The following MFAP3L variants were observed in gnomAD, a reference collection of about 807,000 sequenced individuals.
MFAP3L encodes the protein microfibrillar-associated protein 3-like.
A neutral mutation model predicts 20.0 loss-of-function variants in MFAP3L; 5 were observed. The observed-to-expected ratio is 0.25, with a 90% CI of 0.13 to 0.53. The LOEUF (loss-of-function observed/expected upper bound fraction) is 0.53, where lower values mean the gene tolerates loss of function less well. MFAP3L is among the 20% of genes least tolerant of loss of function. The pLI, the probability that MFAP3L is intolerant of heterozygous loss-of-function variation, is 0.96. For synonymous variants in MFAP3L, 219 were observed against 213.0 expected (o/e 1.03, Z -0.25); for missense variants, 409 against 527.5 (o/e 0.78, Z 2.20).
At chr4:170,022,009 T>C (rs1021234340) in intron 1 of MFAP3L, among the ~76,000 whole-genome samples, 2 of 152,312 alleles carry the variant, frequency 1.3e-5, no homozygotes, top group African/African-American at 2.4e-5. Flanking sequence ...CTCAAGTTAA[T>C]TATGTTAAAT....
At position 169,998,174 on chromosome 4, in the gene MFAP3L, T is replaced by C. The variant is rs181743317; in HGVS notation, c.299-5865A>G. On this transcript the variant is annotated intron_variant, in intron 2 of 2. Transcript: ENST00000361618. ...TGACCTGGGACCACGGTGCTCGCCA[T>C]GGTGGCATGCCCACGTGGTATGGCC... Among the ~76,000 whole-genome samples the C allele has an allele frequency of 5.9e-5, 9 of 152,364 alleles. No individual in the cohort carries two copies. The East Asian group carries it at 1.3e-3, about 23-fold the overall frequency.
chr4:170,002,824 T>C (rs985679244), intron 2 of MFAP3L, among the ~76,000 whole-genome samples: 2 of 150,804 alleles, frequency 1.3e-5, no homozygotes, highest in South Asian at 4.2e-4. Context: ...TTTCATACTA[T>C]ATTCAATCAC....
intron 1 of MFAP3L, among the ~76,000 whole-genome samples, chr4:170,023,010 T>TG (rs1489274387): frequency 1.3e-5 from 2 of 152,194 alleles, no homozygotes; most frequent in African/African-American, 2.4e-5. Flanking sequence ...ACACCTTTGG[T>TG]GGGGGGCATT....
At chr4:169,996,879 C>T (rs907326561) in intron 2 of MFAP3L, among the ~76,000 whole-genome samples, 6 of 152,168 alleles carry the variant, frequency 3.9e-5, no homozygotes, top group Non-Finnish European at 5.9e-5. Context: ...TGCTCCCTCT[C>T]TGCCTGCAAG....
chr4:170,019,536 C>T (rs774080044), intron 1 of MFAP3L, among the ~76,000 whole-genome samples: 1 of 152,106 alleles, frequency 6.6e-6, no homozygotes, highest in Non-Finnish European at 1.5e-5. Flanking sequence ...AGAGCGAGAC[C>T]TCATCTATAT....
intron 2 of MFAP3L, among the ~76,000 whole-genome samples, chr4:169,993,076 G>T (rs62347051): frequency 0.092 from 14,064 of 152,200 alleles, 696 homozygotes; most frequent in African/African-American, 0.12. Context: ...TAATAAATGC[G>T]AGTTTTCTTA....
rs150939401 is a variant in MFAP3L at position 170,018,184 on chromosome 4, G to A, written c.-134+8050C>T. ...GGTAACAGAATGTTCCCTGGGGTTG[G>A]CCAAGACCTGAAGGATGAATAAAAG... On this transcript the variant is annotated intron_variant, in intron 1 of 2. Coordinates refer to ENST00000361618, the MANE Select transcript of MFAP3L (RefSeq NM_021647.8). 7.9e-5 allele frequency among the ~76,000 whole-genome samples: 12 copies of A among 152,300 alleles called. No individual in the cohort carries two copies. The East Asian group carries it at 2.3e-3, about 29-fold the overall frequency.
chr4:170,027,220 C>CTTTTTTTTTTTTT (rs746561915), upstream of MFAP3L: 2 of 133,046 alleles, frequency 1.5e-5, no homozygotes, highest in Admixed American at 7.6e-5. Flanking sequence ...CCTTATCTCC[C>CTTTTTTTTTTTTT]TTTTTTTTTT....
At chr4:170,026,188 C>T in intron 1 of MFAP3L, 46 bp downstream of exon 1, 1 of 973,498 alleles carries the variant, frequency 1.0e-6, no homozygotes, top group Non-Finnish European at 1.2e-6. Context: ...GGGGCTGGCT[C>T]CCACCCGTGC....
intron 1 of MFAP3L, among the ~76,000 whole-genome samples, chr4:170,008,153 G>C (rs1018591591): frequency 6.6e-6 from 1 of 152,068 alleles, no homozygotes; most frequent in African/African-American, 2.4e-5. Flanking sequence ...AGTTCCGTTA[G>C]AGACCTTACG....
At chr4:169,993,046 C>T (rs570433128) in intron 2 of MFAP3L, among the ~76,000 whole-genome samples, 4 of 152,296 alleles carry the variant, frequency 2.6e-5, no homozygotes, top group East Asian at 3.9e-4. Flanking sequence ...AAGCTTGACA[C>T]GAAGGAGAAC....
chr4:169,999,445 G>T (rs1265430619), intron 2 of MFAP3L, among the ~76,000 whole-genome samples: 2 of 152,110 alleles, frequency 1.3e-5, no homozygotes, highest in African/African-American at 4.8e-5. Flanking sequence ...AATTTGGTCT[G>T]GTAATCTTAA....
At chr4:170,012,054 C>T (rs1164107890) in intron 1 of MFAP3L, among the ~76,000 whole-genome samples, 1 of 152,082 alleles carries the variant, frequency 6.6e-6, no homozygotes, top group Non-Finnish European at 1.5e-5. Context: ...GTATGCAACG[C>T]CAAGGATGGG....
At chr4:169,996,156 C>A (rs1004602379) in intron 2 of MFAP3L, among the ~76,000 whole-genome samples, 8 of 140,230 alleles carry the variant, frequency 5.7e-5, no homozygotes, top group Admixed American at 5.4e-4. Context: ...CTCCTGGAGA[C>A]CAGAAATTGC....
chr4:170,008,054 GA>G (rs1160710226), intron 1 of MFAP3L, among the ~76,000 whole-genome samples: 2 of 152,192 alleles, frequency 1.3e-5, no homozygotes, highest in African/African-American at 4.8e-5. Flanking sequence ...AGAGTAAAGA[GA>G]AGGGGATACT....
chr4:170,016,969 G>A (rs1192082264), intron 1 of MFAP3L, among the ~76,000 whole-genome samples: 1 of 152,164 alleles, frequency 6.6e-6, no homozygotes, highest in Non-Finnish European at 1.5e-5. Flanking sequence ...TCTTGTTATT[G>A]TTGAAGTGAA....
Position 169,989,876 on chromosome 4 carries a change from A to G in MFAP3L, c.*1502T>C, listed in dbSNP as rs1560958139. The G allele has an allele frequency of 6.6e-6, 1 of 152,238 alleles. No individual in the cohort carries two copies. Among genetic ancestry groups the G allele is most frequent in the Non-Finnish European group, 1.5e-5 (1 of 68,040 alleles). The allele number at this position is 152,238 out of a possible 1,614,324, so 9.4% of individuals were successfully genotyped here. The stretch of plus-strand genomic sequence containing the variant: ...TGGTCCTAATGGTTTTTTTGGAAGG[A>G]GAAGATCCACAATTTGTTTAAAATG... On this transcript the variant is annotated 3_prime_UTR_variant, in exon 3 of 3. Transcript: ENST00000361618.
chr4:170,003,435 A>G (rs1035766691), intron 2 of MFAP3L, among the ~76,000 whole-genome samples: 3 of 152,190 alleles, frequency 2.0e-5, no homozygotes, highest in Non-Finnish European at 4.4e-5. Context: ...TACACAGATG[A>G]AGGAGGGACG....
Position 169,991,423 on chromosome 4 carries a change from C to T in MFAP3L, c.1185G>A (p.Val395=). Reference sequence around the variant, plus strand: ...TAATGCAGGTGTTTTTGTCATGTGTCACTGCTGGCTCTGTGGCTTCCAGGT... The same window carrying T: ...TAATGCAGGTGTTTTTGTCATGTGTTACTGCTGGCTCTGTGGCTTCCAGGT... The part of the protein sequence containing the change: ...PAYLEATEPA[V]THDKNTCIIY... The change falls in exon 3 of 3, where the codon GTG becomes GTA. Residue 395 remains valine (V), a synonymous_variant. Transcript: ENST00000361618. The surrounding 1 kb of genome is among the most constrained non-coding windows in gnomAD (Gnocchi z 4.9). The T allele has an allele frequency of 6.2e-7, 1 of 1,614,062 alleles. No homozygotes were observed. Among genetic ancestry groups the T allele is most frequent in the South Asian group, 1.1e-5 (1 of 91,070 alleles).
Sources: gnomAD v4.1 joint callset for allele counts (sites outside exome capture counted in the v4.1 genomes callset) on GRCh38, gnomAD v4.1.1 for gene constraint, Gnocchi (gnomAD v3.1) non-coding constraint, MANE v1.5 for transcripts, NCBI Gene and HGNC (gene_info 2026-07-23, HGNC 2026-07-21) for gene names.